DYNC2H1: variants seen among roughly 807,000 people sequenced by gnomAD.
The protein encoded by DYNC2H1 is cytoplasmic dynein 2 heavy chain 1.
In DYNC2H1, 410 loss-of-function variants were observed where a neutral mutation model predicts 570.0. That is an observed-to-expected ratio of 0.72 (90% CI 0.66 to 0.78). DYNC2H1 has a LOEUF of 0.78. DYNC2H1 is among the 30% of genes least tolerant of loss of function. DYNC2H1 has a pLI of 0.00. For synonymous variants in DYNC2H1, 1,688 were observed against 1,677.6 expected, an observed-to-expected ratio of 1.01 and a Z score of -0.15; for missense variants, 4,865 against 5,046.4, an observed-to-expected ratio of 0.96 and a Z score of 1.09.
intron 82 of DYNC2H1, among the ~76,000 whole-genome samples, chr11:103,331,336 C>CT (rs1431384356): frequency 2.6e-5 from 4 of 152,128 alleles, no homozygotes; most frequent in African/African-American, 4.8e-5. Flanking sequence ...TACTCAGGAG[C>CT]TTTTTTTGTA....
intron 84 of DYNC2H1, among the ~76,000 whole-genome samples, chr11:103,428,936 T>C (rs893897223): frequency 8.5e-5 from 13 of 152,124 alleles, no homozygotes; most frequent in Non-Finnish European, 1.8e-4. Flanking sequence ...CAGTGTAATC[T>C]CTTAAGATAA....
At chr11:103,385,681 C>A (rs1343909785) in intron 83 of DYNC2H1, among the ~76,000 whole-genome samples, 1 of 152,136 alleles carries the variant, frequency 6.6e-6, no homozygotes, top group African/African-American at 2.4e-5. Context: ...AGGAATAAAG[C>A]TCTAAAACTT....
At chr11:103,216,008 G>A (rs1863368224) in intron 55 of DYNC2H1, 150 bp downstream of exon 55, 14 of 940,526 alleles carry the variant, frequency 1.5e-5, no homozygotes, top group Non-Finnish European at 2.1e-5. Flanking sequence ...TTAAGCTTTT[G>A]TGGAAGGGCA....
chr11:103,110,020 G>A (rs979434628), intron 1 of DYNC2H1, among the ~76,000 whole-genome samples: 6 of 152,152 alleles, frequency 3.9e-5, no homozygotes, highest in Non-Finnish European at 7.4e-5. Context: ...GAAGCAATTA[G>A]ATTGTGTTTT....
At chr11:103,398,714 ATCTTTT>A (rs1399712564) in intron 83 of DYNC2H1, among the ~76,000 whole-genome samples, 2 of 147,102 alleles carry the variant, frequency 1.4e-5, no homozygotes, top group South Asian at 2.2e-4. Context: ...ATTGAAAGTG[ATCTTTT>A]TCTTTTAATT....
chr11:103,428,725 T>C (rs1943773322), intron 84 of DYNC2H1, among the ~76,000 whole-genome samples: 1 of 152,184 alleles, frequency 6.6e-6, no homozygotes, highest in South Asian at 2.1e-4. Context: ...TTAAGTGGAA[T>C]CATAACAGTA....
chr11:103,187,211 C>A, intron 42 of DYNC2H1, 129 bp from the exon 43 acceptor site: 2 of 1,296,598 alleles, frequency 1.5e-6, no homozygotes, highest in Non-Finnish European at 1.0e-6. Flanking sequence ...TCTGTATTTA[C>A]CATTTTTCCT....
chr11:103,371,156 G>T (rs1202046229), intron 83 of DYNC2H1, among the ~76,000 whole-genome samples: 1 of 152,022 alleles, frequency 6.6e-6, no homozygotes, highest in Non-Finnish European at 1.5e-5. Flanking sequence ...GTTGAAAAGT[G>T]CAACTGGCAT....
chr11:103,388,137 A>G (rs1285419436), intron 83 of DYNC2H1, among the ~76,000 whole-genome samples: 1 of 152,224 alleles, frequency 6.6e-6, no homozygotes, highest in African/African-American at 2.4e-5. Context: ...ACCCATGAGC[A>G]TGGAATGTTC....
rs1466784193 is a variant in DYNC2H1 at position 103,254,018 on chromosome 11, G to T, written c.10206+570G>T. ...GATATAATGCCAGTTGACTTTTGGA[G>T]TATCATCCTATTTTTTACTCATCTA... On this transcript the variant is annotated intron_variant, in intron 66 of 88. Coordinates refer to ENST00000375735, the MANE Select transcript of DYNC2H1 (RefSeq NM_001377.3). This position sits in a 1 kb window ranked among gnomAD's most constrained non-coding sequence, Gnocchi z 4.9. Among the ~76,000 whole-genome samples, 1 of 151,950 alleles carries T rather than the reference G, an allele frequency of 6.6e-6. No homozygotes were observed. The highest frequency in any genetic ancestry group is 1.9e-4 in the East Asian group (1 of 5,190).
chr11:103,170,856 A>G lies in DYNC2H1; in HGVS notation c.5152-30A>G, dbSNP rs1375657219. Reference sequence around the variant, plus strand: ...TTATGGAGATTTTGATTATTTTTTAATGACTATAATTTTTATTGTTGTTTT... The same window carrying G: ...TTATGGAGATTTTGATTATTTTTTAGTGACTATAATTTTTATTGTTGTTTT... On this transcript the variant is annotated intron_variant, in intron 33 of 88. Transcript: ENST00000375735. This position sits in a 1 kb window ranked among gnomAD's most constrained non-coding sequence, Gnocchi z 4.8. 1.4e-6 allele frequency: 2 copies of G among 1,401,720 alleles called. No individual in the cohort carries two copies. Among genetic ancestry groups the G allele is most frequent in the Non-Finnish European group, 1.9e-6 (2 of 1,066,168 alleles). The allele number at this position is 1,401,720 out of a possible 1,614,324, so 86.8% of individuals were successfully genotyped here.
At chr11:103,292,107 G>A (rs1226657943) in intron 75 of DYNC2H1, among the ~76,000 whole-genome samples, 2 of 150,730 alleles carry the variant, frequency 1.3e-5, no homozygotes, top group African/African-American at 4.9e-5. Context: ...ACTAACTACG[G>A]CTATTTTGTT....
chr11:103,387,291 G>T (rs374036896), intron 83 of DYNC2H1, among the ~76,000 whole-genome samples: 1 of 152,112 alleles, frequency 6.6e-6, no homozygotes, highest in African/African-American at 2.4e-5. Flanking sequence ...TGGCTGCATA[G>T]ATGTCTTCTT....
chr11:103,161,141 T>C, intron 29 of DYNC2H1, 97 bp downstream of exon 29: 1 of 606,496 alleles, frequency 1.6e-6, no homozygotes, highest in Non-Finnish European at 2.7e-6. Context: ...GTAAAGTTGG[T>C]TAATTTAGGT....
In DYNC2H1 at chr11:103,280,577, T is replaced by C. The variant is rs958693977; in HGVS notation, c.10761+164T>C. On this transcript the variant is annotated intron_variant, in intron 71 of 88. Transcript: ENST00000375735. This position sits in a 1 kb window ranked among gnomAD's most constrained non-coding sequence, Gnocchi z 4.7. Reference sequence around the variant, plus strand: ...ATAAAATGGTGATTCCTAGTTCTACTTCCCTGTGGATGAGCCTAACATTCC... The same window carrying C: ...ATAAAATGGTGATTCCTAGTTCTACCTCCCTGTGGATGAGCCTAACATTCC... 9.9e-5 allele frequency among the ~76,000 whole-genome samples: 15 copies of C among 152,274 alleles called. No homozygotes were observed. The highest frequency in any genetic ancestry group is 3.4e-4 in the African/African-American group (14 of 41,578).
Position 103,156,530 on chromosome 11 carries a change from A to G in DYNC2H1, c.3887A>G (p.Lys1296Arg). ...SRTMKLIKDW[K>R]DIVNQVGDNR... is the part of the protein sequence containing the mutation. ...ACTATGAAGCTGATTAAAGACTGGA[A>G]AGATATAGTAAATCAGGTTGGAGAT... is the stretch of plus-strand genomic sequence containing the variant. The change falls in exon 26 of 89, where the codon AAA becomes AGA. Residue 1296 changes from lysine (K) to arginine (R), a missense_variant. This residue lies in a region of DYNC2H1 where 1,936 missense variants were observed against 1,962.1 expected (regional missense o/e 0.99). Coordinates refer to ENST00000375735, the MANE Select transcript of DYNC2H1 (RefSeq NM_001377.3). 1 of 1,613,836 alleles carries G rather than the reference A, an allele frequency of 6.2e-7. No homozygotes were observed. Among genetic ancestry groups the G allele is most frequent in the Non-Finnish European group, 8.5e-7 (1 of 1,179,768 alleles).
chr11:103,426,370 T>A (rs1395515782), intron 84 of DYNC2H1, among the ~76,000 whole-genome samples: 1 of 152,208 alleles, frequency 6.6e-6, no homozygotes. Flanking sequence ...CTAGCCTTGC[T>A]GGATTAGGAT....
intron 83 of DYNC2H1, among the ~76,000 whole-genome samples, chr11:103,371,927 G>GTTTTTTTTTTTTTT (rs60335910): frequency 2.4e-4 from 16 of 67,894 alleles, no homozygotes; most frequent in Non-Finnish European, 2.9e-4. Context: ...TCCCATTTGG[G>GTTTTTTTTTTTTTT]TTTTTTTTTT....
intron 29 of DYNC2H1, 103 bp downstream of exon 29, chr11:103,161,147 T>C: frequency 1.8e-6 from 1 of 555,326 alleles, no homozygotes; most frequent in Non-Finnish European, 3.0e-6. Flanking sequence ...TTGGTTAATT[T>C]AGGTATTTTA....
Sources: gnomAD v4.1 joint callset for allele counts (sites outside exome capture counted in the v4.1 genomes callset) on GRCh38, gnomAD v4.1.1 for gene constraint, gnomAD v4.1.1 regional missense constraint, Gnocchi (gnomAD v3.1) non-coding constraint, MANE v1.5 for transcripts, NCBI Gene and HGNC (gene_info 2026-07-23, HGNC 2026-07-21) for gene names.